SLC35F4: variants seen among roughly 807,000 people sequenced by gnomAD.
The protein encoded by SLC35F4 is chromosome 14 open reading frame 36.
A neutral mutation model predicts 44.2 loss-of-function variants in SLC35F4; 24 were observed. That is an observed-to-expected ratio of 0.54 (90% CI 0.39 to 0.76). SLC35F4 has a LOEUF of 0.76. SLC35F4 is among the 30% of genes least tolerant of loss of function. SLC35F4 has a pLI of 0.00. For missense variants in SLC35F4, 562 were observed against 586.1 expected (o/e 0.96, Z 0.42); for synonymous variants, 238 against 223.6 (o/e 1.06, Z -0.57).
intron 1 of SLC35F4, among the ~76,000 whole-genome samples, chr14:57,608,115 C>T (rs567603298): frequency 1.3e-5 from 2 of 151,994 alleles, no homozygotes; most frequent in African/African-American, 2.4e-5. Flanking sequence ...GTTCAGAAGA[C>T]AGATTTGGGC....
chr14:57,869,710 C>A (rs541988414), upstream of SLC35F4, among the ~76,000 whole-genome samples: 3 of 152,304 alleles, frequency 2.0e-5, no homozygotes, highest in Admixed American at 6.5e-5. Context: ...AAAGAGTTGA[C>A]CCCAAGAAAT....
chr14:57,838,029 T>C (rs926912140), intron 1 of SLC35F4, among the ~76,000 whole-genome samples: 5 of 152,216 alleles, frequency 3.3e-5, no homozygotes, highest in Non-Finnish European at 7.3e-5. Context: ...GGTTAATCAG[T>C]TCTTCCTATA....
At chr14:57,794,603 A>T (rs1399289572) in intron 1 of SLC35F4, among the ~76,000 whole-genome samples, 2 of 152,112 alleles carry the variant, frequency 1.3e-5, no homozygotes, top group African/African-American at 4.8e-5. Flanking sequence ...TTTCTCTTTT[A>T]TAGTAGCCTT....
At chr14:57,672,499 C>T (rs1335228151) in intron 1 of SLC35F4, among the ~76,000 whole-genome samples, 1 of 152,074 alleles carries the variant, frequency 6.6e-6, no homozygotes, top group Non-Finnish European at 1.5e-5. Context: ...GGCACTTTTT[C>T]CTACTAAGCC....
intron 1 of SLC35F4, among the ~76,000 whole-genome samples, chr14:57,598,053 T>C (rs767614113): frequency 1.3e-5 from 2 of 152,148 alleles, no homozygotes; most frequent in African/African-American, 2.4e-5. Context: ...TTTTAGGAGC[T>C]TAGCGACCTA....
At chr14:57,597,006 A>G in intron 1 of SLC35F4, 1 of 638,306 alleles carries the variant, frequency 1.6e-6, no homozygotes, top group Non-Finnish European at 2.3e-6. Flanking sequence ...CCAATCCTGG[A>G]AGCGAAAACA....
At chr14:57,735,075 C>T (rs1292093056) in intron 1 of SLC35F4, among the ~76,000 whole-genome samples, 3 of 152,078 alleles carry the variant, frequency 2.0e-5, no homozygotes, top group African/African-American at 4.8e-5. Context: ...CAAGTACTGA[C>T]ATCTGTGACA....
At chr14:57,731,330 A>T (rs2076339686) in intron 1 of SLC35F4, among the ~76,000 whole-genome samples, 1 of 152,172 alleles carries the variant, frequency 6.6e-6, no homozygotes, top group South Asian at 2.1e-4. Flanking sequence ...CATGATTTTG[A>T]CAAACACCTG....
chr14:57,964,986 A>AT (rs1489526012), intron 1 of SLC35F4, among the ~76,000 whole-genome samples: 293 of 140,484 alleles, frequency 2.1e-3, no homozygotes, highest in African/African-American at 6.4e-3. Flanking sequence ...AAAAAAAAAA[A>AT]AAAAAATATA....
intron 1 of SLC35F4, among the ~76,000 whole-genome samples, chr14:57,758,476 T>C (rs2077047914): frequency 6.6e-6 from 1 of 152,160 alleles, no homozygotes; most frequent in Admixed American, 6.5e-5. Flanking sequence ...GTATGTTTTT[T>C]ATCCCAGATA....
intron 1 of SLC35F4, among the ~76,000 whole-genome samples, chr14:57,622,726 G>A (rs1234933099): frequency 6.6e-6 from 1 of 152,104 alleles, no homozygotes; most frequent in Non-Finnish European, 1.5e-5. Context: ...GCTAGATGAC[G>A]AGTTAGTGGG....
At chr14:57,643,971 T>C (rs547828496) in intron 1 of SLC35F4, among the ~76,000 whole-genome samples, 1 of 152,354 alleles carries the variant, frequency 6.6e-6, no homozygotes, top group Admixed American at 6.5e-5. Flanking sequence ...GGCTGCATAG[T>C]ATTCCATGGT....
At chr14:57,797,070 A>C (rs1250899636) in intron 1 of SLC35F4, among the ~76,000 whole-genome samples, 4 of 152,212 alleles carry the variant, frequency 2.6e-5, no homozygotes, top group African/African-American at 7.2e-5. Context: ...AGCATGCCCC[A>C]AAATGCACAC....
At chr14:57,949,384 C>A (rs1223965756) in intron 1 of SLC35F4, among the ~76,000 whole-genome samples, 1 of 152,164 alleles carries the variant, frequency 6.6e-6, no homozygotes, top group African/African-American at 2.4e-5. Flanking sequence ...CATGGAATAT[C>A]TCTCTCCACC....
At chr14:57,776,665 CAAA>C (rs57272978) in intron 1 of SLC35F4, among the ~76,000 whole-genome samples, 12,649 of 71,390 alleles carry the variant, frequency 0.18, 464 homozygotes, top group Middle Eastern at 0.31. Context: ...GACTCCATCT[CAAA>C]AAAAAAAAAA....
intron 1 of SLC35F4, among the ~76,000 whole-genome samples, chr14:57,939,219 G>A (rs1400337041): frequency 3.3e-5 from 5 of 152,126 alleles, no homozygotes; most frequent in Admixed American, 2.0e-4. Context: ...ATTCTGGCGT[G>A]GAAGGGATTC....
intron 1 of SLC35F4, among the ~76,000 whole-genome samples, chr14:57,727,315 C>G (rs1006967525): frequency 6.6e-6 from 1 of 151,666 alleles, no homozygotes; most frequent in African/African-American, 2.4e-5. Context: ...TTTTGTTAGA[C>G]TGGCTAAAGT....
In SLC35F4 at chr14:57,668,829, A is replaced by G. The variant is rs1259266811; in HGVS notation, c.104-74705T>C. 2.0e-5 allele frequency among the ~76,000 whole-genome samples: 3 copies of G among 152,058 alleles called. No individual in the cohort carries two copies. In the East Asian group the frequency reaches 5.8e-4, roughly 29 times the overall value. On this transcript the variant is annotated intron_variant, in intron 1 of 7. Coordinates refer to ENST00000556826, the MANE Select transcript of SLC35F4 (RefSeq NM_001306087.2). ...GCGATGCGGGCTCTTTTTTGATTCC[A>G]TATGAACTTTAAAGTAGTTTTTTCC...
chr14:57,723,054 G>A (rs1457423148), intron 1 of SLC35F4, among the ~76,000 whole-genome samples: 1 of 152,140 alleles, frequency 6.6e-6, no homozygotes, highest in Non-Finnish European at 1.5e-5. Context: ...ATATTTGGGG[G>A]ACTACTGGAC....
Sources: allele counts gnomAD v4.1 joint callset (sites outside exome capture counted in the v4.1 genomes callset), GRCh38; gene constraint gnomAD v4.1.1; transcripts MANE v1.5; gene names NCBI Gene and HGNC (gene_info 2026-07-23, HGNC 2026-07-21).